The following NCAM2 variants were observed in gnomAD, a reference collection of about 807,000 sequenced individuals.
NCAM2 encodes the protein N-CAM-2.
Under a neutral mutation model 98.1 loss-of-function variants are expected in NCAM2, and 30 were observed. That is an observed-to-expected ratio of 0.31 (90% CI 0.23 to 0.41). The LOEUF is 0.41. Among genes scored for constraint, NCAM2 ranks in the 10% least tolerant of loss-of-function variants. The probability of loss-of-function intolerance (pLI) is 1.00; values close to 1 mark genes in which losing one functional copy is unlikely to be tolerated. For synonymous variants in NCAM2, 368 were observed against 342.4 expected (o/e 1.07, Z -0.83); for missense variants, 867 against 1,005.8 (o/e 0.86, Z 1.87).
chr21:21,234,386 A>G (rs754279698), intron 1 of NCAM2, among the ~76,000 whole-genome samples: 16 of 152,006 alleles, frequency 1.1e-4, no homozygotes, highest in South Asian at 1.0e-3. Context: ...TGCTTAGTTT[A>G]AAGACAGGAT....
chr21:21,439,913 G>A (rs887839623), intron 12 of NCAM2, among the ~76,000 whole-genome samples: 36 of 152,094 alleles, frequency 2.4e-4, no homozygotes, highest in African/African-American at 8.5e-4. Flanking sequence ...TGAGTCATTG[G>A]TTTCATTAGT....
rs776633904 is a variant in NCAM2, at chr21:21,292,093, T to A, written c.482-11T>A. On this transcript the variant is annotated splice_polypyrimidine_tract_variant and intron_variant, in intron 4 of 17. Coordinates refer to ENST00000400546, the MANE Select transcript of NCAM2 (RefSeq NM_004540.5). The stretch of plus-strand genomic sequence containing the variant: ...ACTGATACCATTTTCTCCCCTTTGC[T>A]TTCTTTCCAGATCGGTTCGCTATGT... 2 of 1,603,624 alleles carry A rather than the reference T, an allele frequency of 1.2e-6. No homozygotes were observed. Among genetic ancestry groups the A allele is most frequent in the Non-Finnish European group, 8.5e-7 (1 of 1,175,340 alleles).
rs2064946937 is a variant in NCAM2 at position 21,043,554 on chromosome 21, G to A, written c.55+44936G>A. Among the ~76,000 whole-genome samples, 8 of 151,696 alleles carry A rather than the reference G, an allele frequency of 5.3e-5. No homozygotes were observed. In the South Asian group the frequency reaches 1.7e-3, roughly 31 times the overall value. ...TTGAAGAAATAATATTATATACAATGTTAGTAATTTTTATTTTTGTTAGAT... is the reference window on the plus strand; with the variant it reads ...TTGAAGAAATAATATTATATACAATATTAGTAATTTTTATTTTTGTTAGAT... On this transcript the variant is annotated intron_variant, in intron 1 of 17. Coordinates refer to ENST00000400546, the MANE Select transcript of NCAM2 (RefSeq NM_004540.5).
intron 14 of NCAM2, among the ~76,000 whole-genome samples, chr21:21,476,784 C>A (rs561553951): frequency 6.6e-6 from 1 of 151,848 alleles, no homozygotes; most frequent in African/African-American, 2.4e-5. Context: ...CATAAAACAT[C>A]ATAGTAGTAA....
At chr21:21,381,357 A>T (rs232420) in intron 9 of NCAM2, among the ~76,000 whole-genome samples, 57,628 of 152,020 alleles carry the variant, frequency 0.38, 11,255 homozygotes, top group East Asian at 0.58. Flanking sequence ...TACTATTTCA[A>T]TTAGGCCTAC....
intron 15 of NCAM2, among the ~76,000 whole-genome samples, chr21:21,506,244 A>AT (rs1350117164): frequency 3.3e-5 from 5 of 151,988 alleles, no homozygotes; most frequent in East Asian, 1.9e-4. Flanking sequence ...TTTTTTTCCA[A>AT]TTTTTTTTCC....
intron 1 of NCAM2, among the ~76,000 whole-genome samples, chr21:21,153,274 T>C (rs1226838940): frequency 6.6e-6 from 1 of 151,724 alleles, no homozygotes; most frequent in East Asian, 1.9e-4. Flanking sequence ...GTTTGACTCT[T>C]TCAGATCTTA....
intron 12 of NCAM2, among the ~76,000 whole-genome samples, chr21:21,461,697 A>T (rs1291988590): frequency 6.6e-6 from 1 of 150,936 alleles, no homozygotes; most frequent in Non-Finnish European, 1.5e-5. Flanking sequence ...TAAAATATTT[A>T]AAGTACTGTT....
chr21:21,387,860 A>G (rs527892144), intron 9 of NCAM2, among the ~76,000 whole-genome samples: 10 of 152,224 alleles, frequency 6.6e-5, no homozygotes, highest in Middle Eastern at 3.2e-3. Context: ...TAGAAAAATA[A>G]TGTGGGAAAC....
intron 12 of NCAM2, among the ~76,000 whole-genome samples, chr21:21,456,441 T>TA (rs1982157975): frequency 6.6e-6 from 1 of 152,210 alleles, no homozygotes; most frequent in African/African-American, 2.4e-5. Flanking sequence ...TTTATAGTGC[T>TA]AGCAATTCAT....
intron 12 of NCAM2, among the ~76,000 whole-genome samples, chr21:21,452,603 TGTA>T (rs1232534973): frequency 8.4e-6 from 1 of 118,444 alleles, no homozygotes; most frequent in Non-Finnish European, 1.6e-5. Context: ...TGCATATAAT[TGTA>T]TATATAGTAT....
intron 10 of NCAM2, among the ~76,000 whole-genome samples, chr21:21,415,212 A>G (rs1008133425): frequency 3.3e-5 from 5 of 152,014 alleles, no homozygotes; most frequent in Admixed American, 3.3e-4. Flanking sequence ...CCTGCCCTTT[A>G]CATCTCCTCT....
intron 12 of NCAM2, among the ~76,000 whole-genome samples, chr21:21,439,477 G>GA (rs1285076261): frequency 6.6e-6 from 1 of 152,002 alleles, no homozygotes; most frequent in African/African-American, 2.4e-5. Context: ...AAATCTGGAG[G>GA]AAAAAATATT....
At chr21:21,123,495 T>C (rs1033079807) in intron 1 of NCAM2, among the ~76,000 whole-genome samples, 2 of 152,132 alleles carry the variant, frequency 1.3e-5, no homozygotes, top group Admixed American at 6.5e-5. Flanking sequence ...CATTCGATAT[T>C]ATCTACCTTT....
At chr21:21,407,876 A>G (rs186781287) in intron 9 of NCAM2, among the ~76,000 whole-genome samples, 6 of 152,326 alleles carry the variant, frequency 3.9e-5, no homozygotes, top group African/African-American at 7.2e-5. Flanking sequence ...TTGACTTTGA[A>G]TATCAAGAAA....
In NCAM2 at chr21:21,112,178, G is replaced by A. The variant is rs113931634; in HGVS notation, c.55+113560G>A. 1.2e-3 allele frequency among the ~76,000 whole-genome samples: 186 copies of A among 151,898 alleles called. 2 individuals carry two copies. The Middle Eastern group carries it at 0.014, about 11-fold the overall frequency. On this transcript the variant is annotated intron_variant, in intron 1 of 17. Coordinates refer to ENST00000400546, the MANE Select transcript of NCAM2 (RefSeq NM_004540.5). ...TTTGCTTTCTTTTCCTTTTTAAAAC[G>A]GCATAATATTCTATAGTGATTCATT...
Position 21,365,238 on chromosome 21 carries a change from C to T in NCAM2, c.1045-8625C>T, listed in dbSNP as rs868657647. On this transcript the variant is annotated intron_variant, in intron 8 of 17. Transcript: ENST00000400546. ...GATTTGAGCTAATTATTGCTTAGTG[C>T]GTGTGTGTGTGTGTGTGTGTGTGTG... Among the ~76,000 whole-genome samples, 47 of 147,014 alleles carry T rather than the reference C, an allele frequency of 3.2e-4. 1 individual carries two copies. The South Asian group carries it at 6.8e-3, about 21-fold the overall frequency.
intron 1 of NCAM2, among the ~76,000 whole-genome samples, chr21:21,108,824 T>A (rs752636873): frequency 2.6e-5 from 4 of 152,138 alleles, no homozygotes; most frequent in Non-Finnish European, 5.9e-5. Flanking sequence ...CAGGAATTTG[T>A]AATCAACTGA....
intron 12 of NCAM2, among the ~76,000 whole-genome samples, chr21:21,444,466 C>CT (rs34055327): frequency 0.061 from 9,228 of 150,758 alleles, 392 homozygotes; most frequent in African/African-American, 0.11. Flanking sequence ...TGGTCCTGGG[C>CT]TTTTTTTTTG....
Sources: gnomAD v4.1 joint callset for allele counts (sites outside exome capture counted in the v4.1 genomes callset) on GRCh38, gnomAD v4.1.1 for gene constraint, MANE v1.5 for transcripts, NCBI Gene and HGNC (gene_info 2026-07-23, HGNC 2026-07-21) for gene names.